Variants in ARAP2 observed in about 807,000 individuals in gnomAD.
ARAP2 encodes ArfGAP with RhoGAP domain, ankyrin repeat and PH domain 2.
ARAP2 carries 148 observed loss-of-function variants against 194.5 expected under a neutral mutation model. The observed-to-expected ratio is 0.76, with a 90% CI of 0.67 to 0.87. ARAP2 has a LOEUF of 0.87. Among genes scored for constraint, ARAP2 ranks in the 40% least tolerant of loss-of-function variants. ARAP2 has a pLI of 0.00. For synonymous variants in ARAP2, 695 were observed against 683.5 expected, an observed-to-expected ratio of 1.02 and a Z score of -0.26; for missense variants, 2,128 against 1,989.7, an observed-to-expected ratio of 1.07 and a Z score of -1.32.
rs540354115 is a variant in ARAP2, at chr4:36,219,454, T to C, written c.906-4974A>G. Among the ~76,000 whole-genome samples, 105 of 152,274 alleles carry C rather than the reference T, an allele frequency of 6.9e-4. No homozygotes were observed. In the South Asian group the frequency reaches 0.02, roughly 30 times the overall value. On this transcript the variant is annotated intron_variant, in intron 2 of 32. Coordinates refer to ENST00000303965, the MANE Select transcript of ARAP2 (RefSeq NM_015230.4). ...ACTCCATTTATATAAAATTCCCAAATAGGCAAAACTAACTAATAGTGAAAT... is the reference window on the plus strand; with the variant it reads ...ACTCCATTTATATAAAATTCCCAAACAGGCAAAACTAACTAATAGTGAAAT...
intron 26 of ARAP2, among the ~76,000 whole-genome samples, chr4:36,113,366 A>G (rs1720514476): frequency 6.6e-6 from 1 of 152,018 alleles, no homozygotes; most frequent in African/African-American, 2.4e-5. Context: ...TAATACAGGA[A>G]TAAAAACATA....
chr4:36,216,606 A>G (rs1446883256), intron 2 of ARAP2, among the ~76,000 whole-genome samples: 1 of 152,224 alleles, frequency 6.6e-6, no homozygotes, highest in African/African-American at 2.4e-5. Context: ...AGACCTGTAT[A>G]CAAATGGTCA....
chr4:36,117,717 T>C (rs1721709147), intron 24 of ARAP2, among the ~76,000 whole-genome samples: 1 of 151,618 alleles, frequency 6.6e-6, no homozygotes, highest in Non-Finnish European at 1.5e-5. Flanking sequence ...AGGTCATTCA[T>C]GGAATATGGC....
intron 9 of ARAP2, among the ~76,000 whole-genome samples, chr4:36,176,252 T>C (rs958711710): frequency 1.5e-4 from 23 of 152,104 alleles, no homozygotes; most frequent in African/African-American, 2.4e-5. Flanking sequence ...GACAAAAATG[T>C]CTTCCTCCTA....
exon 2 of ARAP2, chr4:36,058,085 C>G (rs1263406848): frequency 6.6e-6 from 1 of 152,138 alleles, no homozygotes. Context: ...CATACCTGCT[C>G]CAACCATATG....
At chr4:36,037,987 C>T (rs986080626) in intron 5 of ARAP2, among the ~76,000 whole-genome samples, 12 of 152,136 alleles carry the variant, frequency 7.9e-5, no homozygotes, top group African/African-American at 1.4e-4. Flanking sequence ...TGACTGCATT[C>T]GGAAGCTAGA....
At chr4:36,159,183 A>C (rs1733327600) in intron 14 of ARAP2, 148 bp downstream of exon 14, 1 of 801,202 alleles carries the variant, frequency 1.2e-6, no homozygotes, top group African/African-American at 1.8e-5. Flanking sequence ...TGATATAAAA[A>C]ATAGTCTTAG....
intron 5 of ARAP2, among the ~76,000 whole-genome samples, chr4:36,044,278 T>G (rs936663791): frequency 6.6e-6 from 1 of 152,186 alleles, no homozygotes; most frequent in Non-Finnish European, 1.5e-5. Context: ...GTAGTTTGTT[T>G]CTTTGGTGGT....
At chr4:36,101,579 A>T (rs1475505029) in intron 27 of ARAP2, among the ~76,000 whole-genome samples, 1 of 151,986 alleles carries the variant, frequency 6.6e-6, no homozygotes, top group Non-Finnish European at 1.5e-5. Context: ...TAATAAATGC[A>T]GAGATAGCAC....
chr4:36,143,868 T>G (rs1455010912), intron 19 of ARAP2, among the ~76,000 whole-genome samples: 2 of 152,004 alleles, frequency 1.3e-5, no homozygotes, highest in Non-Finnish European at 2.9e-5. Context: ...AAAAATGTTA[T>G]TAACTGTCTG....
In ARAP2 at chr4:36,167,197, A is replaced by C. The variant is rs189248747; in HGVS notation, c.1858-150T>G. Reference sequence around the variant, plus strand: ...GTAGCCACTCTCAATACATAATAGCACTGGGCCAACTTAAGCTTGACAGTT... The same window carrying C: ...GTAGCCACTCTCAATACATAATAGCCCTGGGCCAACTTAAGCTTGACAGTT... On this transcript the variant is annotated intron_variant, in intron 9 of 32. Transcript: ENST00000303965. 2.9e-4 allele frequency: 165 copies of C among 566,188 alleles called. No homozygotes were observed. The East Asian group carries it at 3.4e-3, about 12-fold the overall frequency. 35.1% of individuals were successfully genotyped at this position (566,188 alleles called of 1,614,324 possible).
At chr4:36,196,143 A>G (rs1220220655) in intron 6 of ARAP2, among the ~76,000 whole-genome samples, 1 of 152,236 alleles carries the variant, frequency 6.6e-6, no homozygotes, top group Non-Finnish European at 1.5e-5. Context: ...CAAAACATCA[A>G]GTATAAAAGG....
intron 31 of ARAP2, among the ~76,000 whole-genome samples, chr4:36,074,086 G>A (rs1285401574): frequency 1.3e-5 from 2 of 152,058 alleles, no homozygotes; most frequent in Admixed American, 1.3e-4. Context: ...ACCAAAAGGG[G>A]AAAAGTATTT....
chr4:36,201,050 A>T (rs979760803), intron 6 of ARAP2, among the ~76,000 whole-genome samples: 3 of 152,256 alleles, frequency 2.0e-5, no homozygotes, highest in Non-Finnish European at 4.4e-5. Flanking sequence ...CAATCAATAA[A>T]GAAGTTATTT....
At chr4:36,227,534 T>C (rs1019716899) in intron 2 of ARAP2, among the ~76,000 whole-genome samples, 4 of 152,150 alleles carry the variant, frequency 2.6e-5, no homozygotes, top group Non-Finnish European at 5.9e-5. Flanking sequence ...CCTTTTATCT[T>C]GTAACTACTA....
intron 5 of ARAP2, among the ~76,000 whole-genome samples, chr4:36,021,959 G>T (rs1423954503): frequency 1.3e-5 from 2 of 152,046 alleles, no homozygotes; most frequent in African/African-American, 4.8e-5. Flanking sequence ...ACTACACCTA[G>T]GCTATATAGT....
At chr4:36,156,389 G>GAGAA (rs1190805215) in intron 15 of ARAP2, among the ~76,000 whole-genome samples, 762 of 12,492 alleles carry the variant, frequency 0.061, 30 homozygotes, top group Admixed American at 0.14. Context: ...AAGAGAGAGA[G>GAGAA]AGAAAGAAAG....
chr4:36,022,413 G>C (rs1342390346), intron 5 of ARAP2, among the ~76,000 whole-genome samples: 1 of 152,130 alleles, frequency 6.6e-6, no homozygotes, highest in Non-Finnish European at 1.5e-5. Flanking sequence ...GCAGGACTTG[G>C]CAGGAAAAGA....
intron 28 of ARAP2, among the ~76,000 whole-genome samples, chr4:36,088,446 T>A (rs6531408): frequency 2.0e-5 from 3 of 152,054 alleles, no homozygotes; most frequent in African/African-American, 7.2e-5. Context: ...CATAATTCTA[T>A]GAAATCTACT....
Sources: allele counts gnomAD v4.1 joint callset (sites outside exome capture counted in the v4.1 genomes callset), GRCh38; gene constraint gnomAD v4.1.1; transcripts MANE v1.5; gene names NCBI Gene and HGNC (gene_info 2026-07-23, HGNC 2026-07-21).